The following DSCAM variants were observed in gnomAD, a reference collection of about 807,000 sequenced individuals.
DSCAM encodes the protein cell adhesion molecule DSCAM.
Under a neutral mutation model 217.7 loss-of-function variants are expected in DSCAM, and 47 were observed. The observed-to-expected ratio is 0.22, with a 90% confidence interval of 0.17 to 0.28. The LOEUF is 0.28. Among genes scored for constraint, DSCAM ranks in the 10% least tolerant of loss-of-function variants. DSCAM has a pLI of 1.00. For synonymous variants in DSCAM, 1,056 were observed against 1,015.3 expected (o/e 1.04, Z -0.76); for missense variants, 2,080 against 2,618.3 (o/e 0.79, Z 4.49).
At chr21:40,092,821 C>T (rs1265312472) in intron 21 of DSCAM, among the ~76,000 whole-genome samples, 1 of 152,074 alleles carries the variant, frequency 6.6e-6, no homozygotes, top group African/African-American at 2.4e-5. Flanking sequence ...ATTTCCCTTA[C>T]CAACTTACTT....
At chr21:40,430,627 T>TAC (rs1348572567) in intron 3 of DSCAM, among the ~76,000 whole-genome samples, 1 of 152,192 alleles carries the variant, frequency 6.6e-6, no homozygotes, top group Non-Finnish European at 1.5e-5. Flanking sequence ...CCTATATATA[T>TAC]ACACACATAT....
At chr21:40,707,441 G>T (rs957345415) in intron 2 of DSCAM, among the ~76,000 whole-genome samples, 1 of 152,082 alleles carries the variant, frequency 6.6e-6, no homozygotes, top group South Asian at 2.1e-4. Flanking sequence ...AAATATAGTT[G>T]GGAAAATGAC....
At chr21:40,135,448 G>A (rs1005514520) in intron 18 of DSCAM, among the ~76,000 whole-genome samples, 1 of 152,212 alleles carries the variant, frequency 6.6e-6, no homozygotes, top group Non-Finnish European at 1.5e-5. Context: ...CAAGGAAGTC[G>A]AGGGACAGAG....
intron 11 of DSCAM, among the ~76,000 whole-genome samples, chr21:40,263,052 T>C (rs2073475264): frequency 6.6e-6 from 1 of 152,232 alleles, no homozygotes; most frequent in African/African-American, 2.4e-5. Flanking sequence ...AAAGCCAAGA[T>C]ACCTTTTTAA....
At position 40,080,208 on chromosome 21, in the gene DSCAM, T is replaced by C; in HGVS notation, c.4364A>G (p.Asn1455Ser). 1 of 1,612,196 alleles carries C rather than the reference T, an allele frequency of 6.2e-7. No homozygotes were observed. The highest frequency in any genetic ancestry group is 8.5e-7 in the Non-Finnish European group (1 of 1,179,496). The change falls in exon 25 of 33, where the codon AAT (asparagine) becomes AGT (serine). Residue 1455 changes from asparagine to serine, a missense_variant. Around this residue, in one of 5 missense-constraint regions of DSCAM, gnomAD observed 1,144 missense variants for 1,421.1 expected, o/e 0.81. Transcript: ENST00000400454. ...TWYKFTLTAQNGVGPGRISEI... is the reference protein window; with the variant it reads ...TWYKFTLTAQSGVGPGRISEI... ...ACTTATGCGCCCTGGGCCCACTCCA[T>C]TTTGGGCTGTCAGTGTGAACTTATA...
intron 1 of DSCAM, among the ~76,000 whole-genome samples, chr21:40,783,111 T>A (rs1004885121): frequency 4.6e-5 from 7 of 151,500 alleles, no homozygotes; most frequent in African/African-American, 1.7e-4. Flanking sequence ...GAAGGGAGAG[T>A]GTAAAAGTGG....
intron 3 of DSCAM, among the ~76,000 whole-genome samples, chr21:40,597,846 T>C (rs2077033557): frequency 6.6e-6 from 1 of 151,984 alleles, no homozygotes; most frequent in African/African-American, 2.4e-5. Flanking sequence ...TATAGAAAAA[T>C]TGAGGCGATA....
At chr21:40,161,226 T>C (rs1601398122) in intron 16 of DSCAM, among the ~76,000 whole-genome samples, 1 of 151,916 alleles carries the variant, frequency 6.6e-6, no homozygotes, top group African/African-American at 2.4e-5. Flanking sequence ...AGAACTGGAG[T>C]CCTTGAAGAA....
chr21:40,516,830 C>A (rs2076303311), intron 3 of DSCAM, among the ~76,000 whole-genome samples: 1 of 151,108 alleles, frequency 6.6e-6, no homozygotes. Flanking sequence ...AAATCTGGAT[C>A]TTGTTTATTC....
At chr21:40,836,941 A>G (rs1286835404) in intron 1 of DSCAM, among the ~76,000 whole-genome samples, 3 of 152,206 alleles carry the variant, frequency 2.0e-5, no homozygotes, top group African/African-American at 4.8e-5. Context: ...AGAATTTCCA[A>G]CAGGAGGCTA....
chr21:40,209,025 C>T (rs2091155578), intron 11 of DSCAM, among the ~76,000 whole-genome samples: 1 of 152,188 alleles, frequency 6.6e-6, no homozygotes, highest in Admixed American at 6.5e-5. Context: ...TGAGCGGGCA[C>T]TATTTTGAGA....
chr21:40,780,283 G>T (rs529347003), intron 1 of DSCAM, among the ~76,000 whole-genome samples: 1 of 152,054 alleles, frequency 6.6e-6, no homozygotes, highest in South Asian at 2.1e-4. Flanking sequence ...GCATGATGAG[G>T]CTCTAGAAAC....
At chr21:40,303,566 C>T (rs1161161436) in intron 9 of DSCAM, among the ~76,000 whole-genome samples, 1 of 152,178 alleles carries the variant, frequency 6.6e-6, no homozygotes, top group African/African-American at 2.4e-5. Flanking sequence ...CTTCCCTTCA[C>T]TAGACTTTGA....
chr21:40,061,775 T>G (rs777516077), intron 28 of DSCAM, among the ~76,000 whole-genome samples: 1 of 152,096 alleles, frequency 6.6e-6, no homozygotes, highest in Non-Finnish European at 1.5e-5. Context: ...CAAAGAGTAC[T>G]AATTTTATAT....
chr21:40,302,909 T>C (rs2074032138), intron 9 of DSCAM, among the ~76,000 whole-genome samples: 1 of 152,192 alleles, frequency 6.6e-6, no homozygotes, highest in Admixed American at 6.5e-5. Flanking sequence ...AATAATACTA[T>C]GGTTATAATA....
intron 3 of DSCAM, among the ~76,000 whole-genome samples, chr21:40,397,491 C>G (rs1469076513): frequency 6.6e-6 from 1 of 152,132 alleles, no homozygotes; most frequent in African/African-American, 2.4e-5. Flanking sequence ...AGAAGCTGAG[C>G]AGATGCCCAA....
chr21:40,836,687 A>G (rs1032207637), intron 1 of DSCAM, among the ~76,000 whole-genome samples: 1 of 152,220 alleles, frequency 6.6e-6, no homozygotes, highest in Non-Finnish European at 1.5e-5. Flanking sequence ...AAGGTGAATT[A>G]TGGTTCATGT....
chr21:40,403,629 G>GCGCACACACACACA (rs374617687), intron 3 of DSCAM, among the ~76,000 whole-genome samples: 102 of 145,888 alleles, frequency 7.0e-4, no homozygotes, highest in African/African-American at 2.5e-3. Context: ...GCATGCATGT[G>GCGCACACACACACA]CACACACACA....
chr21:40,369,629 G>T (rs550773969), intron 3 of DSCAM, among the ~76,000 whole-genome samples: 3 of 152,118 alleles, frequency 2.0e-5, no homozygotes, highest in Admixed American at 6.5e-5. Context: ...ATTTCCCTTA[G>T]AATGTGACAA....
Sources: allele counts gnomAD v4.1 joint callset (sites outside exome capture counted in the v4.1 genomes callset), GRCh38; gene constraint gnomAD v4.1.1; regional missense constraint gnomAD v4.1.1; transcripts MANE v1.5; gene names NCBI Gene and HGNC (gene_info 2026-07-23, HGNC 2026-07-21).